The following SNX24 variants were observed in gnomAD, a reference collection of about 807,000 sequenced individuals.
The protein encoded by SNX24 is sorting nexin-24.
Under a neutral mutation model 28.7 loss-of-function variants are expected in SNX24, and 22 were observed. The observed-to-expected ratio is 0.77, with a 90% confidence interval of 0.55 to 1.10. SNX24 has a LOEUF of 1.10. Among genes scored for constraint, SNX24 ranks in the 50% least tolerant of loss-of-function variants. SNX24 has a pLI of 0.00. For missense variants in SNX24, 221 were observed against 201.1 expected, an observed-to-expected ratio of 1.10 and a Z score of -0.60; for synonymous variants, 69 against 71.5, an observed-to-expected ratio of 0.96 and a Z score of 0.18.
chr5:122,969,431 A>T (rs1760857581), intron 3 of SNX24, among the ~76,000 whole-genome samples: 1 of 152,024 alleles, frequency 6.6e-6, no homozygotes, highest in Non-Finnish European at 1.5e-5. Flanking sequence ...TAGACAACAG[A>T]TATTGGTTTT....
rs1289295761 is a variant in SNX24, at chr5:122,946,138, A to G, written c.228A>G (p.Gln76=). 1.9e-6 allele frequency: 3 copies of G among 1,605,356 alleles called. No homozygotes were observed. The highest frequency in any genetic ancestry group is 1.1e-5 in the South Asian group (1 of 90,588). Residue 76 remains glutamine (Q), a synonymous_variant, in exon 3 of 7, where the codon CAA becomes CAG. Coordinates refer to ENST00000261369, the MANE Select transcript of SNX24 (RefSeq NM_014035.4). ...CCAAAGTCTTGGAACAGCGACGACA[A>G]GGCTTGGAAACATACTTACAGGTAA... ...WVPKVLEQRR[Q]GLETYLQAVI... is the part of the protein sequence containing the mutation.
intron 6 of SNX24, among the ~76,000 whole-genome samples, chr5:123,003,358 C>T (rs192951800): frequency 4.9e-4 from 75 of 152,116 alleles, no homozygotes; most frequent in Admixed American, 2.4e-3. Context: ...GTAACGTTTG[C>T]TTCTTATGTT....
chr5:122,897,248 T>C (rs1204792651), intron 1 of SNX24, among the ~76,000 whole-genome samples: 2 of 152,188 alleles, frequency 1.3e-5, no homozygotes, highest in African/African-American at 4.8e-5. Context: ...TCCAAAATTA[T>C]GGCAATTTTT....
chr5:122,891,029 G>A (rs781289984), intron 1 of SNX24: 101 of 1,496,688 alleles, frequency 6.7e-5, no homozygotes, highest in Non-Finnish European at 9.0e-5. Flanking sequence ...CCTCTCAGGT[G>A]GTAATAGTTT....
intron 1 of SNX24, among the ~76,000 whole-genome samples, chr5:122,896,308 C>T (rs1757200274): frequency 1.3e-5 from 2 of 152,274 alleles, no homozygotes; most frequent in Non-Finnish European, 2.9e-5. Context: ...TTGGCTCCAC[C>T]TTGGAAATCA....
intron 5 of SNX24, chr5:123,028,827 G>A: frequency 1.2e-6 from 2 of 1,613,578 alleles, no homozygotes; most frequent in Non-Finnish European, 1.7e-6. Flanking sequence ...TGAAATCCTT[G>A]ATGACACGAT....
chr5:122,878,642 A>G (rs61389521), intron 1 of SNX24, among the ~76,000 whole-genome samples: 19,477 of 152,074 alleles, frequency 0.13, 1,561 homozygotes, highest in East Asian at 0.36. Flanking sequence ...CCTGTCAGGA[A>G]AAACATCAAG....
At chr5:122,993,222 A>G (rs568856330) in intron 3 of SNX24, among the ~76,000 whole-genome samples, 2 of 151,798 alleles carry the variant, frequency 1.3e-5, no homozygotes, top group African/African-American at 4.8e-5. Context: ...GCATGGTACA[A>G]TGGGTTCTTC....
intron 1 of SNX24, among the ~76,000 whole-genome samples, chr5:122,902,561 C>A (rs1469055707): frequency 6.6e-6 from 1 of 152,136 alleles, no homozygotes; most frequent in Non-Finnish European, 1.5e-5. Context: ...AGATGAAACT[C>A]AGGGCCTCGA....
chr5:122,864,442 G>T (rs576197793), intron 1 of SNX24, among the ~76,000 whole-genome samples: 38 of 152,300 alleles, frequency 2.5e-4, no homozygotes, highest in Non-Finnish European at 4.7e-4. Flanking sequence ...CAAGACAGGG[G>T]AACCGCAACA....
intron 1 of SNX24, among the ~76,000 whole-genome samples, chr5:122,870,594 A>G (rs1281967107): frequency 6.6e-6 from 1 of 152,240 alleles, no homozygotes; most frequent in Non-Finnish European, 1.5e-5. Context: ...AGTGGAGATA[A>G]TAAAATGGAA....
chr5:122,981,709 G>A (rs111551085), intron 3 of SNX24, among the ~76,000 whole-genome samples: 2,801 of 152,230 alleles, frequency 0.018, 39 homozygotes, highest in Non-Finnish European at 0.032. Context: ...ACGCAGTCTC[G>A]CTCTGTCTCC....
At chr5:122,847,355 A>C (rs1754686236) in intron 1 of SNX24, among the ~76,000 whole-genome samples, 1 of 152,136 alleles carries the variant, frequency 6.6e-6, no homozygotes, top group Non-Finnish European at 1.5e-5. Context: ...TTGTGAATTA[A>C]ACTGATGTGG....
intron 2 of SNX24, among the ~76,000 whole-genome samples, chr5:122,942,735 T>A (rs566461777): frequency 2.0e-5 from 3 of 152,306 alleles, no homozygotes; most frequent in Non-Finnish European, 4.4e-5. Context: ...CCAGGACCGT[T>A]AATCATCGGA....
chr5:122,977,440 T>C (rs543749609), intron 3 of SNX24, among the ~76,000 whole-genome samples: 1 of 152,076 alleles, frequency 6.6e-6, no homozygotes, highest in East Asian at 1.9e-4. Context: ...CTGCTCACTT[T>C]ATGGATTACT....
At chr5:122,871,240 A>C (rs969437428) in intron 1 of SNX24, among the ~76,000 whole-genome samples, 1 of 152,166 alleles carries the variant, frequency 6.6e-6, no homozygotes, top group East Asian at 1.9e-4. Flanking sequence ...TTCTCATGCA[A>C]TAGGGGCTCA....
In SNX24 at chr5:122,965,174, A is replaced by G. The variant is rs138075274; in HGVS notation, c.249+19015A>G. On this transcript the variant is annotated intron_variant, in intron 3 of 6. Coordinates refer to ENST00000261369, the MANE Select transcript of SNX24 (RefSeq NM_014035.4). Reference sequence around the variant, plus strand: ...TTCTTTCCAATTACTTAGTTCATATAAATTCCCAAGCCTGGTTAATTATGC... The same window carrying G: ...TTCTTTCCAATTACTTAGTTCATATGAATTCCCAAGCCTGGTTAATTATGC... 5.7e-3 allele frequency among the ~76,000 whole-genome samples: 861 copies of G among 152,344 alleles called. 12 individuals carry two copies. The highest frequency in any genetic ancestry group is 0.019 in the African/African-American group (778 of 41,582).
At chr5:122,962,419 T>C (rs1432276120) in intron 3 of SNX24, among the ~76,000 whole-genome samples, 1 of 152,258 alleles carries the variant, frequency 6.6e-6, no homozygotes, top group Admixed American at 6.5e-5. Flanking sequence ...TTAAATGATA[T>C]GTACTTCACT....
intron 5 of SNX24, chr5:123,025,869 T>TTGG (rs1762844880): frequency 6.2e-7 from 1 of 1,614,102 alleles, no homozygotes. Context: ...CTGAGAGCCA[T>TTGG]TGGTGTCAGG....
Sources: gnomAD v4.1 joint callset for allele counts (sites outside exome capture counted in the v4.1 genomes callset) on GRCh38, gnomAD v4.1.1 for gene constraint, MANE v1.5 for transcripts, NCBI Gene and HGNC (gene_info 2026-07-23, HGNC 2026-07-21) for gene names.